The following ZNF276 variants were observed in gnomAD, a reference collection of about 807,000 sequenced individuals.
The protein encoded by ZNF276 is zinc finger protein 276.
ZNF276 carries 59 observed loss-of-function variants against 63.9 expected under a neutral mutation model. The observed-to-expected ratio is 0.92, with a 90% CI of 0.75 to 1.15. The LOEUF is 1.15. Ranked by LOEUF, ZNF276 falls within the 50% of genes most tolerant of loss-of-function variation. The probability of loss-of-function intolerance (pLI) is 0.00; values close to 1 mark genes in which losing one functional copy is unlikely to be tolerated. For synonymous variants in ZNF276, 496 were observed against 348.4 expected (o/e 1.42, Z -4.72); for missense variants, 1,084 against 843.8 (o/e 1.28, Z -3.53).
Position 89,738,569 on chromosome 16 carries a change from G to A in ZNF276, c.*323G>A. The A allele has an allele frequency of 1.2e-6, 2 of 1,612,870 alleles. No homozygotes were observed. Among genetic ancestry groups the A allele is most frequent in the Non-Finnish European group, 1.7e-6 (2 of 1,180,012 alleles). The stretch of plus-strand genomic sequence containing the variant: ...ATGCTTGTAATAAATTATTTACACG[G>A]GAGCTGGGCTGGTGTGCAGTGGCAG... On this transcript the variant is annotated 3_prime_UTR_variant, in exon 11 of 11. Transcript: ENST00000443381.
At chr16:89,731,365 T>C (rs1323716854) in intron 6 of ZNF276, among the ~76,000 whole-genome samples, 2 of 152,248 alleles carry the variant, frequency 1.3e-5, no homozygotes, top group Non-Finnish European at 2.9e-5. Context: ...GTGATTCTCC[T>C]GCCTCAGCCT....
Position 89,722,586 on chromosome 16 carries a change from C to T in ZNF276, c.261C>T (p.Ser87=), listed in dbSNP as rs1357988560. ...GTCGCCTCTGCCACGGGAAGTTTTCCTCGAGAAGCCTGCGCAGCATCTCCG... is the reference window on the plus strand; with the variant it reads ...GTCGCCTCTGCCACGGGAAGTTTTCTTCGAGAAGCCTGCGCAGCATCTCCG... ...GHCRLCHGKF[S]SRSLRSISER... is the part of the protein sequence containing the mutation. The change falls in exon 2 of 11, where the codon TCC becomes TCT. Residue 87 remains serine, a synonymous_variant. Transcript: ENST00000443381. 3 of 1,612,312 alleles carry T rather than the reference C, an allele frequency of 1.9e-6. No individual in the cohort carries two copies. Among genetic ancestry groups the T allele is most frequent in the South Asian group, 1.1e-5 (1 of 91,086 alleles).
chr16:89,723,798 T>C (rs2061382996), intron 4 of ZNF276, 89 bp downstream of exon 4: 4 of 1,319,246 alleles, frequency 3.0e-6, no homozygotes, highest in Admixed American at 4.8e-5. Context: ...TCTCCACTGC[T>C]CTAGGTGGTG....
intron 1 of ZNF276, 120 bp from the exon 2 acceptor site, chr16:89,722,411 C>G (rs548806499): frequency 8.4e-7 from 1 of 1,186,578 alleles, no homozygotes; most frequent in Admixed American, 2.5e-5. Context: ...GAGCCGCTTG[C>G]TGTGTCCGGG....
rs1253498968 is a variant in ZNF276, at chr16:89,726,330, G to A, written c.1007-949G>A. ...TCCTGCCTCAGCCTCCCGAGTAGCT[G>A]GGATTACAGGCATGCACCACTATGC... is the stretch of plus-strand genomic sequence containing the variant. On this transcript the variant is annotated intron_variant, in intron 4 of 10. Transcript: ENST00000443381. 3.3e-5 allele frequency among the ~76,000 whole-genome samples: 5 copies of A among 152,266 alleles called. No individual in the cohort carries two copies. In the East Asian group the frequency reaches 9.7e-4, roughly 29 times the overall value.
chr16:89,738,509 T>C lies in ZNF276; in HGVS notation c.*263T>C. 3 of 1,579,800 alleles carry C rather than the reference T, an allele frequency of 1.9e-6. No homozygotes were observed. The highest frequency in any genetic ancestry group is 2.6e-6 in the Non-Finnish European group (3 of 1,152,906). Reference sequence around the variant, plus strand: ...CCACTAAAGCAGTCGAGGAGATTTGTAATCCACTTTTTAGTGCAACAAGAG... The same window carrying C: ...CCACTAAAGCAGTCGAGGAGATTTGCAATCCACTTTTTAGTGCAACAAGAG... On this transcript the variant is annotated 3_prime_UTR_variant, in exon 11 of 11. Transcript: ENST00000443381.
chr16:89,733,090 C>A (rs2061728584), intron 6 of ZNF276: 1 of 586,172 alleles, frequency 1.7e-6, no homozygotes. Context: ...CCTGCTGTGT[C>A]CTGCGCCCTT....
chr16:89,729,397 C>A, intron 6 of ZNF276, 79 bp downstream of exon 6: 1 of 1,271,108 alleles, frequency 7.9e-7, no homozygotes, highest in South Asian at 1.2e-5. Flanking sequence ...GGCCTCTCCC[C>A]GGTGCCCACT....
At chr16:89,734,525 C>T (rs2061784190) in intron 9 of ZNF276, among the ~76,000 whole-genome samples, 2 of 152,152 alleles carry the variant, frequency 1.3e-5, no homozygotes, top group Admixed American at 6.6e-5. Flanking sequence ...CGGGGTTTCA[C>T]CATGTTGGCC....
chr16:89,736,496 T>G (rs1371464205), intron 9 of ZNF276, among the ~76,000 whole-genome samples: 1 of 151,908 alleles, frequency 6.6e-6, no homozygotes, highest in Non-Finnish European at 1.5e-5. Context: ...GGCTAATTTT[T>G]GTATTTTTAG....
chr16:89,728,963 C>T (rs1206960722), intron 5 of ZNF276, among the ~76,000 whole-genome samples: 1 of 152,242 alleles, frequency 6.6e-6, no homozygotes, highest in African/African-American at 2.4e-5. Context: ...GCCTCCACCC[C>T]TTCTGGGCCG....
chr16:89,733,728 G>A (rs2061753222), intron 8 of ZNF276, among the ~76,000 whole-genome samples, 171 bp downstream of exon 8: 3 of 152,072 alleles, frequency 2.0e-5, no homozygotes, highest in South Asian at 4.1e-4. Flanking sequence ...GTAGATGTGA[G>A]GCCAGACTTT....
chr16:89,728,540 C>T (rs929832536), intron 5 of ZNF276, among the ~76,000 whole-genome samples: 6 of 152,150 alleles, frequency 3.9e-5, no homozygotes, highest in Admixed American at 6.5e-5. Context: ...GTCGCTGGGA[C>T]TACAGGCACC....
At chr16:89,734,719 T>G (rs4785716) in intron 9 of ZNF276, among the ~76,000 whole-genome samples, 1 of 151,556 alleles carries the variant, frequency 6.6e-6, no homozygotes, top group East Asian at 1.9e-4. Context: ...GGTTCTGCCT[T>G]TTCACATGTG....
In ZNF276 at chr16:89,738,271, C is replaced by G. The variant is rs947496334; in HGVS notation, c.*25C>G. On this transcript the variant is annotated 3_prime_UTR_variant, in exon 11 of 11. Coordinates refer to ENST00000443381, the MANE Select transcript of ZNF276 (RefSeq NM_001113525.2). Reference sequence around the variant, plus strand: ...AGGACGGCAGTGAGGATGAGCACCTCTAGCAGCCTGGACTCCGCAGTGGCT... The same window carrying G: ...AGGACGGCAGTGAGGATGAGCACCTGTAGCAGCCTGGACTCCGCAGTGGCT... 6.4e-7 allele frequency: 1 copy of G among 1,572,466 alleles called. No homozygotes were observed. Among genetic ancestry groups the G allele is most frequent in the Non-Finnish European group, 8.6e-7 (1 of 1,160,482 alleles).
intron 4 of ZNF276, among the ~76,000 whole-genome samples, chr16:89,725,507 T>G (rs1226006252): frequency 2.0e-5 from 3 of 147,246 alleles, no homozygotes; most frequent in African/African-American, 7.5e-5. Context: ...AAAACTTATT[T>G]TAGGCCAAGT....
Position 89,721,595 on chromosome 16 carries a change from C to A in ZNF276, c.-46C>A. ...CTAACGCCGGGTCCTCTAGGAACCT[C>A]GGGCCGGGCAGCACCCGCGGGATTC... On this transcript the variant is annotated 5_prime_UTR_variant, in exon 1 of 11. Transcript: ENST00000443381. The A allele has an allele frequency of 6.8e-7, 1 of 1,464,556 alleles. No homozygotes were observed. 90.7% of individuals were successfully genotyped at this position (1,464,556 alleles called of 1,614,324 possible).
In ZNF276 at chr16:89,722,689, G is replaced by T. The variant is rs2061335332; in HGVS notation, c.364G>T (p.Gly122Cys). 1 of 1,612,440 alleles carries T rather than the reference G, an allele frequency of 6.2e-7. No individual in the cohort carries two copies. Among genetic ancestry groups the T allele is most frequent in the Non-Finnish European group, 8.5e-7 (1 of 1,180,034 alleles). ...VLVRDFQRLL[G>C]VAVRQDPTLS... ...CGTACGGGACTTCCAGCGCCTGCTT[G>T]GTGTGGCTGTCCGCCAGGACCCCAC... Residue 122 changes from glycine (G) to cysteine (C), a missense_variant, in exon 2 of 11, where the codon GGT becomes TGT. Physicochemically the swap from Gly to Cys is radical, Grantham distance 159 (BLOSUM62 -3). Coordinates refer to ENST00000443381, the MANE Select transcript of ZNF276 (RefSeq NM_001113525.2).
Position 89,738,066 on chromosome 16 carries a change from C to T in ZNF276, c.1665C>T (p.Ala555=), listed in dbSNP as rs750834243. 4 of 1,614,030 alleles carry T rather than the reference C, an allele frequency of 2.5e-6. No homozygotes were observed. Among genetic ancestry groups the T allele is most frequent in the African/African-American group, 1.3e-5 (1 of 74,932 alleles). The change falls in exon 11 of 11, where the codon GCC becomes GCT. Residue 555 remains alanine (A), a synonymous_variant. Transcript: ENST00000443381. ...AGGCTGAGACTGAGCTGGACTTTGC[C>T]TGTGACCAGTGTGGCCGGCGGTTTG... ...KHKAETELDF[A]CDQCGRRFEK...
Sources: gnomAD v4.1 joint callset for allele counts (sites outside exome capture counted in the v4.1 genomes callset) on GRCh38, gnomAD v4.1.1 for gene constraint, MANE v1.5 for transcripts, NCBI Gene and HGNC (gene_info 2026-07-23, HGNC 2026-07-21) for gene names.